The following GNAL variants were observed in gnomAD, a reference collection of about 807,000 sequenced individuals.
The protein encoded by GNAL is guanine nucleotide-binding protein G(olf) subunit alpha.
Under a neutral mutation model 55.1 loss-of-function variants are expected in GNAL, and 18 were observed. The observed-to-expected ratio is 0.33, with a 90% CI of 0.23 to 0.48. GNAL has a LOEUF of 0.48. Among genes scored for constraint, GNAL ranks in the 20% least tolerant of loss-of-function variants. GNAL has a pLI of 0.99. For missense variants in GNAL, 412 were observed against 614.1 expected (o/e 0.67, Z 3.48); for synonymous variants, 253 against 237.0 (o/e 1.07, Z -0.62).
At chr18:11,837,927 C>T (rs1484511015) in intron 5 of GNAL, among the ~76,000 whole-genome samples, 1 of 152,108 alleles carries the variant, frequency 6.6e-6, no homozygotes, top group Non-Finnish European at 1.5e-5. Context: ...ATCACTTGAG[C>T]TCAGGAGTTT....
chr18:11,834,351 T>C (rs916170054), intron 5 of GNAL, among the ~76,000 whole-genome samples: 1 of 152,172 alleles, frequency 6.6e-6, no homozygotes, highest in Admixed American at 6.5e-5. Flanking sequence ...TGGGGTCTTT[T>C]GTTAAGGTTG....
intron 1 of GNAL, among the ~76,000 whole-genome samples, chr18:11,695,926 A>ACGCACACC (rs1567988375): frequency 7.0e-6 from 1 of 143,628 alleles, no homozygotes; most frequent in African/African-American, 2.8e-5. Flanking sequence ...ACGCATGCAC[A>ACGCACACC]CACACACACA....
chr18:11,733,906 C>A (rs1258406116), intron 1 of GNAL, among the ~76,000 whole-genome samples: 1 of 150,056 alleles, frequency 6.7e-6, no homozygotes, highest in Non-Finnish European at 1.5e-5. Flanking sequence ...AAGCCCAGAA[C>A]TTGTGTGTGC....
chr18:11,689,827 G>A lies in GNAL; in HGVS notation c.264G>A (p.Ala88=), dbSNP rs1381154666. The A allele has an allele frequency of 3.3e-6, 5 of 1,536,896 alleles. No homozygotes were observed. Among genetic ancestry groups the A allele is most frequent in the African/African-American group, 1.4e-5 (1 of 70,378 alleles). ...TEQLSAEERE[A]AKEREAVKEA... is the part of the protein sequence containing the mutation. ...AGCTGAGTGCCGAGGAGCGCGAGGC[G>A]GCCAAGGAGCGCGAGGCGGTCAAGG... Residue 88 remains alanine (A), a synonymous_variant, in exon 1 of 12, where the codon GCG becomes GCA. Transcript: ENST00000334049.
At chr18:11,747,650 G>GGGTACTGGGGATGGATAGA (rs1568007729) in intron 1 of GNAL, 2 of 151,730 alleles carry the variant, frequency 1.3e-5, no homozygotes, top group African/African-American at 4.8e-5. Context: ...GGATGGATAG[G>GGGTACTGGGGATGGATAGA]GGGGCAAGGA....
intron 1 of GNAL, among the ~76,000 whole-genome samples, chr18:11,700,453 G>A (rs1250772845): frequency 6.6e-6 from 1 of 152,244 alleles, no homozygotes; most frequent in Non-Finnish European, 1.5e-5. Context: ...CTGTAAGGCT[G>A]CCCTAGCTCT....
chr18:11,826,182 G>C (rs959328972), intron 5 of GNAL, among the ~76,000 whole-genome samples: 1 of 152,084 alleles, frequency 6.6e-6, no homozygotes, highest in Non-Finnish European at 1.5e-5. Context: ...GGATGGGCCT[G>C]AAGCACCCAG....
intron 1 of GNAL, among the ~76,000 whole-genome samples, chr18:11,743,298 G>A (rs2032617913): frequency 6.8e-6 from 1 of 147,416 alleles, no homozygotes; most frequent in African/African-American, 2.5e-5. Context: ...ATTTTCCACA[G>A]GAGCACTCAC....
chr18:11,846,464 T>TATACACACACACACACACAC (rs1555613166), intron 5 of GNAL, among the ~76,000 whole-genome samples: 2 of 140,096 alleles, frequency 1.4e-5, no homozygotes, highest in African/African-American at 5.4e-5. Flanking sequence ...TATATAAATA[T>TATACACACACACACACACAC]ACACACACAC....
At chr18:11,691,844 G>A (rs564279357) in intron 1 of GNAL, among the ~76,000 whole-genome samples, 1 of 152,294 alleles carries the variant, frequency 6.6e-6, no homozygotes, top group East Asian at 1.9e-4. Flanking sequence ...GTGGCGGGCC[G>A]CAGTGTGCTC....
intron 4 of GNAL, among the ~76,000 whole-genome samples, chr18:11,768,246 T>C (rs1218006789): frequency 1.3e-5 from 2 of 152,128 alleles, no homozygotes. Flanking sequence ...AAAGGAAGTG[T>C]TAGTTATGAC....
intron 1 of GNAL, among the ~76,000 whole-genome samples, chr18:11,718,977 T>G (rs2032034423): frequency 6.6e-6 from 1 of 152,178 alleles, no homozygotes; most frequent in Admixed American, 6.5e-5. Context: ...TACCATGAAT[T>G]AAATGGTACA....
In GNAL at chr18:11,761,894, T is replaced by A. The variant is rs549441152; in HGVS notation, c.624+7949T>A. On this transcript the variant is annotated intron_variant, in intron 4 of 11. Coordinates refer to ENST00000334049, the MANE Select transcript of GNAL (RefSeq NM_182978.4). ...AAAAGTCCTAGGAAAGACCTTTTTTTAAAATGCACAATAATCTTTCTTGTT... is the reference window on the plus strand; with the variant it reads ...AAAAGTCCTAGGAAAGACCTTTTTTAAAAATGCACAATAATCTTTCTTGTT... Among the ~76,000 whole-genome samples the A allele has an allele frequency of 1.4e-4, 22 of 152,358 alleles. No homozygotes were observed. In the South Asian group the frequency reaches 3.5e-3, roughly 24 times the overall value.
intron 6 of GNAL, among the ~76,000 whole-genome samples, chr18:11,862,841 C>A (rs887242320): frequency 2.7e-5 from 4 of 150,740 alleles, no homozygotes; most frequent in African/African-American, 4.9e-5. Flanking sequence ...TGACCCAGAG[C>A]ATCCCCTTTG....
intron 4 of GNAL, among the ~76,000 whole-genome samples, chr18:11,784,662 A>T (rs2034009112): frequency 6.6e-6 from 1 of 152,224 alleles, no homozygotes; most frequent in Non-Finnish European, 1.5e-5. Flanking sequence ...TTTCTAAGTC[A>T]AGAAGTTGGC....
At chr18:11,852,660 C>T (rs929000579) in intron 5 of GNAL, 1 of 163,754 alleles carries the variant, frequency 6.1e-6, no homozygotes, top group Non-Finnish European at 1.5e-5. Context: ...TGATTGTTCT[C>T]ATAACGTATA....
intron 4 of GNAL, among the ~76,000 whole-genome samples, chr18:11,816,725 A>T (rs1406783811): frequency 6.6e-6 from 1 of 151,806 alleles, no homozygotes; most frequent in Non-Finnish European, 1.5e-5. Context: ...GAGGCAGGAG[A>T]ATCTCTTGAA....
Position 11,768,614 on chromosome 18 carries a change from G to A in GNAL, c.624+14669G>A, listed in dbSNP as rs985162010. Among the ~76,000 whole-genome samples, 6 of 146,232 alleles carry A rather than the reference G, an allele frequency of 4.1e-5. No individual in the cohort carries two copies. The East Asian group carries it at 1.3e-3, about 31-fold the overall frequency. ...GAAACTCCATCTCGAAAAAAAAAAG[G>A]CCAGGCGCAGTGGCTCACGCCTGTA... On this transcript the variant is annotated intron_variant, in intron 4 of 11. Coordinates refer to ENST00000334049, the MANE Select transcript of GNAL (RefSeq NM_182978.4).
At chr18:11,726,737 C>T (rs140224633) in intron 1 of GNAL, among the ~76,000 whole-genome samples, 127 of 152,272 alleles carry the variant, frequency 8.3e-4, no homozygotes, top group African/African-American at 2.8e-3. Flanking sequence ...AATAGAATTA[C>T]GTAACCATGA....
Sources: gnomAD v4.1 joint callset for allele counts (sites outside exome capture counted in the v4.1 genomes callset) on GRCh38, gnomAD v4.1.1 for gene constraint, MANE v1.5 for transcripts, NCBI Gene and HGNC (gene_info 2026-07-23, HGNC 2026-07-21) for gene names.